RORA: variants seen among roughly 807,000 people sequenced by gnomAD.
RORA encodes nuclear receptor ROR-alpha.
A neutral mutation model predicts 69.5 loss-of-function variants in RORA; 7 were observed. The observed-to-expected ratio is 0.10, with a 90% CI of 0.06 to 0.19. The LOEUF (loss-of-function observed/expected upper bound fraction) is 0.19, where lower values mean the gene tolerates loss of function less well. RORA is among the 10% of genes least tolerant of loss of function. RORA has a pLI of 1.00. For synonymous variants in RORA, 261 were observed against 240.8 expected (o/e 1.08, Z -0.78); for missense variants, 457 against 663.0 (o/e 0.69, Z 3.41).
chr15:61,088,269 C>T (rs1372420330), intron 1 of RORA, among the ~76,000 whole-genome samples: 2 of 152,130 alleles, frequency 1.3e-5, no homozygotes, highest in Non-Finnish European at 2.9e-5. Context: ...TATGCCTGTA[C>T]AAAGTCTTGA....
At chr15:61,225,413 G>C (rs949441335) in intron 1 of RORA, among the ~76,000 whole-genome samples, 1 of 152,166 alleles carries the variant, frequency 6.6e-6, no homozygotes, top group Non-Finnish European at 1.5e-5. Context: ...CAAAACTGAA[G>C]GGGGCAAGAG....
chr15:60,627,345 G>A, intron 2 of RORA: 2 of 1,614,166 alleles, frequency 1.2e-6, no homozygotes, highest in Non-Finnish European at 1.7e-6. Context: ...CAGTCTCTAA[G>A]TCACTGTCTC....
At chr15:60,854,422 G>T (rs575319951) in intron 1 of RORA, among the ~76,000 whole-genome samples, 5 of 152,208 alleles carry the variant, frequency 3.3e-5, no homozygotes, top group African/African-American at 1.2e-4. Flanking sequence ...CTGAGGTAAC[G>T]TTGTTTTTCT....
rs1175054855 is a variant in RORA at position 60,494,147 on chromosome 15, C to CATAGCTTTA, written c.*3299_*3307dup. The CATAGCTTTA allele has an allele frequency of 6.6e-6, 1 of 151,520 alleles. No homozygotes were observed. The highest frequency in any genetic ancestry group is 2.4e-5 in the African/African-American group (1 of 41,286). 9.4% of individuals were successfully genotyped at this position (151,520 alleles called of 1,614,324 possible). On this transcript the variant is annotated 3_prime_UTR_variant, in exon 11 of 11. Coordinates refer to ENST00000335670, the MANE Select transcript of RORA (RefSeq NM_134261.3). ...ATGCTGAAGACTTTAAAAAAAAATC[C>CATAGCTTTA]ATAGCTTTAATACACGTTAAGATGC...
intron 2 of RORA, chr15:60,558,213 G>A (rs781286949): frequency 4.0e-5 from 64 of 1,592,988 alleles, no homozygotes; most frequent in Non-Finnish European, 5.2e-5. Context: ...GGAGGCCTTT[G>A]GATTCACTTA....
chr15:61,169,063 C>A (rs1033668351), intron 1 of RORA, among the ~76,000 whole-genome samples: 6 of 152,072 alleles, frequency 3.9e-5, no homozygotes, highest in African/African-American at 1.4e-4. Context: ...AGCTTGGGAA[C>A]TTGCTGTATT....
At chr15:61,001,846 G>A (rs968773902) in intron 1 of RORA, among the ~76,000 whole-genome samples, 7 of 152,242 alleles carry the variant, frequency 4.6e-5, no homozygotes, top group Admixed American at 1.3e-4. Context: ...ACTCTCTGAG[G>A]AAGGGGCATT....
At chr15:60,581,251 AG>A (rs1297210308) in intron 2 of RORA, among the ~76,000 whole-genome samples, 1 of 152,248 alleles carries the variant, frequency 6.6e-6, no homozygotes, top group East Asian at 1.9e-4. Flanking sequence ...TAACAGCAGC[AG>A]GGGGCTTAGA....
intron 1 of RORA, among the ~76,000 whole-genome samples, chr15:61,022,690 G>C (rs1387060459): frequency 6.6e-6 from 1 of 152,092 alleles, no homozygotes; most frequent in Non-Finnish European, 1.5e-5. Context: ...GACACATTGT[G>C]GCAAAGAGTG....
chr15:61,034,529 G>T (rs1294074999), intron 1 of RORA, among the ~76,000 whole-genome samples: 1 of 152,050 alleles, frequency 6.6e-6, no homozygotes, highest in African/African-American at 2.4e-5. Flanking sequence ...ACAGGTCAGG[G>T]AATATTTATG....
chr15:61,057,539 T>A lies in RORA; in HGVS notation c.166+171514A>T, dbSNP rs191488795. Reference sequence around the variant, plus strand: ...GGAGTCAGCTCATAACACTGACATGTCATAGTGAAAGTAACAACAAATACT... The same window carrying A: ...GGAGTCAGCTCATAACACTGACATGACATAGTGAAAGTAACAACAAATACT... On this transcript the variant is annotated intron_variant, in intron 1 of 10. Coordinates refer to ENST00000335670, the MANE Select transcript of RORA (RefSeq NM_134261.3). 4.8e-3 allele frequency among the ~76,000 whole-genome samples: 732 copies of A among 152,354 alleles called. 17 individuals are homozygous for A. The highest frequency in any genetic ancestry group is 1.3e-3 in the Non-Finnish European group (89 of 68,038).
chr15:61,155,720 T>G (rs920715750), intron 1 of RORA, among the ~76,000 whole-genome samples: 13 of 152,144 alleles, frequency 8.5e-5, no homozygotes, highest in African/African-American at 3.1e-4. Context: ...AATAATAGTT[T>G]CCTCCAATAA....
chr15:61,079,670 G>C (rs914880908), intron 1 of RORA, among the ~76,000 whole-genome samples: 3 of 152,202 alleles, frequency 2.0e-5, no homozygotes, highest in African/African-American at 7.2e-5. Flanking sequence ...TAGAGCATCA[G>C]TTAGCAAATA....
At chr15:60,670,825 T>C (rs1456383299) in intron 2 of RORA, among the ~76,000 whole-genome samples, 1 of 152,084 alleles carries the variant, frequency 6.6e-6, no homozygotes, top group Non-Finnish European at 1.5e-5. Context: ...GGCCACAGAA[T>C]TGATAAAGAA....
chr15:60,989,301 A>G (rs1894300495), intron 1 of RORA, among the ~76,000 whole-genome samples: 1 of 152,210 alleles, frequency 6.6e-6, no homozygotes, highest in African/African-American at 2.4e-5. Flanking sequence ...GATATACCAT[A>G]TAAAAGAAAT....
intron 2 of RORA, among the ~76,000 whole-genome samples, chr15:60,571,041 TCTC>T (rs1290458997): frequency 6.6e-6 from 1 of 152,188 alleles, no homozygotes; most frequent in Non-Finnish European, 1.5e-5. Flanking sequence ...TTTTTTTTTC[TCTC>T]CTCATTTTGC....
chr15:61,077,875 C>A (rs2078476393), intron 1 of RORA, among the ~76,000 whole-genome samples: 2 of 152,146 alleles, frequency 1.3e-5, no homozygotes, highest in African/African-American at 4.8e-5. Flanking sequence ...GCCCTCTTGC[C>A]TGAATATTCT....
At chr15:61,065,543 G>A (rs562997078) in intron 1 of RORA, among the ~76,000 whole-genome samples, 6 of 152,080 alleles carry the variant, frequency 3.9e-5, no homozygotes, top group African/African-American at 1.4e-4. Context: ...ACAAAAAAAA[G>A]GTATTCAAAT....
intron 2 of RORA, among the ~76,000 whole-genome samples, chr15:60,629,711 C>G (rs891880670): frequency 6.6e-6 from 1 of 152,130 alleles, no homozygotes; most frequent in Non-Finnish European, 1.5e-5. Context: ...ATAATTTGGG[C>G]AAAGGCCAGC....
Sources: allele counts gnomAD v4.1 joint callset (sites outside exome capture counted in the v4.1 genomes callset), GRCh38; gene constraint gnomAD v4.1.1; transcripts MANE v1.5; gene names NCBI Gene and HGNC (gene_info 2026-07-23, HGNC 2026-07-21).